SLC12A5: variants seen among roughly 807,000 people sequenced by gnomAD.
The protein encoded by SLC12A5 is solute carrier family 12 member 5, also known as K-Cl cotransporter 2.
In SLC12A5, 18 loss-of-function variants were observed where a neutral mutation model predicts 124.0. That is an observed-to-expected ratio of 0.15 (90% CI 0.10 to 0.22). SLC12A5 has a LOEUF of 0.22. Ranked by LOEUF, SLC12A5 falls within the 10% of genes least tolerant of loss-of-function variation. The pLI is 1.00. For synonymous variants in SLC12A5, 589 were observed against 568.0 expected, an observed-to-expected ratio of 1.04 and a Z score of -0.53; for missense variants, 867 against 1,478.7, an observed-to-expected ratio of 0.59 and a Z score of 6.78.
chr20:46,045,270 C>A lies in SLC12A5; in HGVS notation c.1569+130C>A. On this transcript the variant is annotated intron_variant, in intron 12 of 25. Transcript: ENST00000243964. This position sits in a 1 kb window ranked among gnomAD's most constrained non-coding sequence, Gnocchi z 4.9. Reference sequence around the variant, plus strand: ...TGGGCCACTTCTGCTCTGTACTGCACTGGCCAGGCCTATCTGGCAGGGTCT... The same window carrying A: ...TGGGCCACTTCTGCTCTGTACTGCAATGGCCAGGCCTATCTGGCAGGGTCT... The A allele has an allele frequency of 9.1e-7, 1 of 1,098,304 alleles. No homozygotes were observed. The allele number at this position is 1,098,304 out of a possible 1,614,324, so 68.0% of individuals were successfully genotyped here. A position where few individuals can be genotyped will look rare whatever the true frequency, so the allele number is the denominator to read the frequency against.
rs542043933 is a variant in SLC12A5 at position 46,031,835 on chromosome 20, G to A, written c.52+2439G>A. On this transcript the variant is annotated intron_variant, in intron 1 of 25. Transcript: ENST00000243964. ...CAGTCTGGCCCTGCCTCTCGCGCGC[G>A]CGCCGCTCGGCGCTCCCGCCATCAC... 3.6e-3 allele frequency among the ~76,000 whole-genome samples: 547 copies of A among 152,340 alleles called. 4 individuals are homozygous for A. Among genetic ancestry groups the A allele is most frequent in the Non-Finnish European group, 4.5e-3 (303 of 68,024 alleles).
rs780708050 is a variant in SLC12A5 at position 46,047,584 on chromosome 20, G to A, written c.1907+11G>A. The A allele has an allele frequency of 1.9e-6, 3 of 1,611,750 alleles. No individual in the cohort carries two copies. The highest frequency in any genetic ancestry group is 3.3e-5 in the Admixed American group (2 of 59,920). On this transcript the variant is annotated intron_variant, in intron 15 of 25. Coordinates refer to ENST00000243964, the MANE Select transcript of SLC12A5 (RefSeq NM_020708.5). ...CATTGAGTACCGTGGGTGAGTGTGG[G>A]GAGTGGAGGTTGGGGTGGCTGGGGA...
intron 18 of SLC12A5, among the ~76,000 whole-genome samples, chr20:46,052,266 A>G: frequency 6.6e-6 from 1 of 152,384 alleles, no homozygotes; most frequent in Middle Eastern, 3.4e-3. Context: ...GTAATAGTAT[A>G]TATAATAACT....
upstream of SLC12A5, among the ~76,000 whole-genome samples, chr20:46,025,481 C>T (rs1042960724): frequency 1.3e-5 from 2 of 152,158 alleles, no homozygotes; most frequent in African/African-American, 4.8e-5. Flanking sequence ...CATCCCCCTC[C>T]TCTCCCCTCC....
intron 9 of SLC12A5, 48 bp downstream of exon 9, chr20:46,043,371 G>A (rs2084565150): frequency 6.3e-7 from 1 of 1,586,600 alleles, no homozygotes. Flanking sequence ...AGTGGATGGG[G>A]AAGAGAGAGT....
At chr20:46,033,734 C>A (rs1203808165) in intron 1 of SLC12A5, among the ~76,000 whole-genome samples, 3 of 152,180 alleles carry the variant, frequency 2.0e-5, no homozygotes, top group Non-Finnish European at 2.9e-5. Flanking sequence ...TTCACCCATG[C>A]TAGAAACCGC....
At chr20:46,036,937 G>A (rs1680631091) in intron 5 of SLC12A5, 142 bp downstream of exon 5, 2 of 1,123,022 alleles carry the variant, frequency 1.8e-6, no homozygotes, top group Admixed American at 2.1e-5. Context: ...CAGCCCTATT[G>A]GGGGCAGAGG....
At chr20:46,030,562 C>T (rs1367792300) in intron 1 of SLC12A5, among the ~76,000 whole-genome samples, 2 of 151,502 alleles carry the variant, frequency 1.3e-5, no homozygotes, top group South Asian at 2.1e-4. Flanking sequence ...TGCGCACTAG[C>T]GCGCCTCCCG....
intron 8 of SLC12A5, 90 bp from the exon 9 acceptor site, chr20:46,043,063 C>A (rs1231140646): frequency 2.3e-6 from 3 of 1,280,100 alleles, no homozygotes; most frequent in African/African-American, 3.0e-5. Flanking sequence ...TTGATCTTGA[C>A]CCTGACTTTT....
intron 1 of SLC12A5, among the ~76,000 whole-genome samples, chr20:46,030,259 C>A (rs1241969623): frequency 6.6e-6 from 1 of 152,192 alleles, no homozygotes; most frequent in African/African-American, 2.4e-5. Flanking sequence ...CTAGCTTCCC[C>A]AGTGAGGCCT....
chr20:46,035,869 G>A lies in SLC12A5; in HGVS notation c.372G>A (p.Val124=). The A allele has an allele frequency of 1.2e-6, 2 of 1,614,136 alleles. No individual in the cohort carries two copies. The highest frequency in any genetic ancestry group is 2.2e-5 in the East Asian group (1 of 44,884). ...VILFLRLTWV[V]GIAGIMESFC... ...TCTTCCTGCGGCTCACCTGGGTGGT[G>A]GGCATTGCAGGCATCATGGAGTCCT... Residue 124 remains valine, a synonymous_variant, in exon 4 of 26, where the codon GTG becomes GTA. Transcript: ENST00000243964.
At chr20:46,049,524 A>G (rs2084629083) in intron 16 of SLC12A5, 98 bp from the exon 17 acceptor site, 1 of 1,444,746 alleles carries the variant, frequency 6.9e-7, no homozygotes, top group South Asian at 1.3e-5. Flanking sequence ...ACAGATGGTT[A>G]TAGAGGAGAG....
In SLC12A5 at chr20:46,043,231, G is replaced by A. The variant is rs761325361; in HGVS notation, c.1145G>A (p.Gly382Asp). The A allele has an allele frequency of 5.0e-6, 8 of 1,613,666 alleles. No homozygotes were observed. Among genetic ancestry groups the A allele is most frequent in the South Asian group, 1.1e-5 (1 of 91,050 alleles). The stretch of plus-strand genomic sequence containing the variant: ...ATGACCTCGGTGGGCCTGGCCGATG[G>A]CACTCCTATCGACATGGACCACCCT... ...SGMTSVGLAD[G>D]TPIDMDHPYV... The change falls in exon 9 of 26, where the codon GGC becomes GAC. Residue 382 changes from glycine (G) to aspartate (D), a missense_variant. Physicochemically the swap from Gly to Asp is moderately conservative, Grantham distance 94. Transcript: ENST00000243964.
chr20:46,057,127 C>A lies in SLC12A5; in HGVS notation c.3126-43C>A, dbSNP rs1342370841. 4 of 1,607,570 alleles carry A rather than the reference C, an allele frequency of 2.5e-6. No individual in the cohort carries two copies. In the African/African-American group the frequency reaches 5.3e-5, roughly 21 times the overall value. Reference sequence around the variant, plus strand: ...GGGCGACTGGCTCCAATCTTCTCTACCCCCCCGGCTCACGCGGTCTCCACT... The same window carrying A: ...GGGCGACTGGCTCCAATCTTCTCTAACCCCCCGGCTCACGCGGTCTCCACT... On this transcript the variant is annotated intron_variant, in intron 24 of 25. Coordinates refer to ENST00000243964, the MANE Select transcript of SLC12A5 (RefSeq NM_020708.5). This position sits in a 1 kb window ranked among gnomAD's most constrained non-coding sequence, Gnocchi z 7.1.
chr20:46,021,916 G>C, intron 1 of SLC12A5: 1 of 1,487,728 alleles, frequency 6.7e-7, no homozygotes, highest in Non-Finnish European at 8.9e-7. Flanking sequence ...GGGCCTGCCA[G>C]GGCCGGGCGG....
chr20:46,036,044 A>G, intron 4 of SLC12A5, 121 bp downstream of exon 4: 2 of 1,256,704 alleles, frequency 1.6e-6, no homozygotes, highest in Non-Finnish European at 2.1e-6. Flanking sequence ...ACTGCTTATG[A>G]TCTTTGAGAG....
At position 46,056,918 on chromosome 20, in the gene SLC12A5, G is replaced by A; in HGVS notation, c.3125+7G>A. 5 of 1,614,104 alleles carry A rather than the reference G, an allele frequency of 3.1e-6. No homozygotes were observed. Among genetic ancestry groups the A allele is most frequent in the Non-Finnish European group, 4.2e-6 (5 of 1,180,006 alleles). On this transcript the variant is annotated splice_region_variant and intron_variant, in intron 24 of 25. Coordinates refer to ENST00000243964, the MANE Select transcript of SLC12A5 (RefSeq NM_020708.5). This position sits in a 1 kb window ranked among gnomAD's most constrained non-coding sequence, Gnocchi z 4.3. ...GAAGGGAGTGGGAGAACTTGTAAGT[G>A]CTTCAGCATTTTTTCATTCTCTCTC... is the stretch of plus-strand genomic sequence containing the variant.
At position 46,057,373 on chromosome 20, in the gene SLC12A5, T is replaced by C; in HGVS notation, c.3259+70T>C. 1 of 1,610,728 alleles carries C rather than the reference T, an allele frequency of 6.2e-7. No homozygotes were observed. On this transcript the variant is annotated intron_variant, in intron 25 of 25. Coordinates refer to ENST00000243964, the MANE Select transcript of SLC12A5 (RefSeq NM_020708.5). This position sits in a 1 kb window ranked among gnomAD's most constrained non-coding sequence, Gnocchi z 7.1. ...GGGAATCTGGGTCCTGTCCCTGGGA[T>C]GGAAGAGCTGAGCTGTTCCTGCCTC...
rs2084711829 is a variant in SLC12A5, at chr20:46,057,884, A to G, written c.*279A>G. 2 of 390,770 alleles carry G rather than the reference A, an allele frequency of 5.1e-6. No homozygotes were observed. Among genetic ancestry groups the G allele is most frequent in the South Asian group, 5.0e-5 (1 of 20,096 alleles). 24.2% of individuals were successfully genotyped at this position (390,770 alleles called of 1,614,324 possible). A position where few individuals can be genotyped will look rare whatever the true frequency, so the allele number is the denominator to read the frequency against. On this transcript the variant is annotated 3_prime_UTR_variant, in exon 26 of 26. Coordinates refer to ENST00000243964, the MANE Select transcript of SLC12A5 (RefSeq NM_020708.5). This position sits in a 1 kb window ranked among gnomAD's most constrained non-coding sequence, Gnocchi z 7.1. ...TCGTCTCGCCGGAGGAGACGCTGCAATAAAGGTTGGGAGAAGGCGCGGAAA... is the reference window on the plus strand; with the variant it reads ...TCGTCTCGCCGGAGGAGACGCTGCAGTAAAGGTTGGGAGAAGGCGCGGAAA...
Sources: allele counts gnomAD v4.1 joint callset (sites outside exome capture counted in the v4.1 genomes callset), GRCh38; gene constraint gnomAD v4.1.1; non-coding constraint Gnocchi (gnomAD v3.1); transcripts MANE v1.5; gene names NCBI Gene and HGNC (gene_info 2026-07-23, HGNC 2026-07-21).